Variants in DDX10 observed in about 807,000 individuals in gnomAD.
The protein encoded by DDX10 is probable ATP-dependent RNA helicase DDX10.
Under a neutral mutation model 104.3 loss-of-function variants are expected in DDX10, and 74 were observed. The observed-to-expected ratio is 0.71, with a 90% CI of 0.59 to 0.86. DDX10 has a LOEUF of 0.86. Among genes scored for constraint, DDX10 ranks in the 40% least tolerant of loss-of-function variants. The pLI is 0.00. For synonymous variants in DDX10, 351 were observed against 353.4 expected (o/e 0.99, Z 0.08); for missense variants, 952 against 1,040.0 (o/e 0.92, Z 1.16).
At chr11:108,718,795 A>C (rs1014544540) in intron 11 of DDX10, among the ~76,000 whole-genome samples, 6 of 152,252 alleles carry the variant, frequency 3.9e-5, no homozygotes, top group African/African-American at 1.4e-4. Context: ...AACAAAAGTG[A>C]TAAGCAACTG....
chr11:108,759,526 G>A (rs147922383), intron 13 of DDX10, among the ~76,000 whole-genome samples: 1 of 152,042 alleles, frequency 6.6e-6, no homozygotes, highest in Non-Finnish European at 1.5e-5. Flanking sequence ...TTGTAAGGTA[G>A]TCATCTATTT....
chr11:108,745,106 CTCCCCT>C (rs1157878967), intron 13 of DDX10, among the ~76,000 whole-genome samples: 2 of 115,808 alleles, frequency 1.7e-5, no homozygotes, highest in Admixed American at 8.7e-5. Flanking sequence ...TCCCCTCCCC[CTCCCCT>C]TCCCCTTCCT....
Position 108,752,533 on chromosome 11 carries a change from A to G in DDX10, c.1965+29071A>G, listed in dbSNP as rs530764153. On this transcript the variant is annotated intron_variant, in intron 13 of 17. Coordinates refer to ENST00000322536, the MANE Select transcript of DDX10 (RefSeq NM_004398.4). ...CAAGTGATGCATGCTTTGCATCACT[A>G]TTATGGATCCATCTTTGTGTACTTA... Among the ~76,000 whole-genome samples the G allele has an allele frequency of 3.9e-5, 6 of 152,180 alleles. No individual in the cohort carries two copies. The East Asian group carries it at 9.7e-4, about 25-fold the overall frequency.
intron 13 of DDX10, among the ~76,000 whole-genome samples, chr11:108,735,051 A>G (rs939408469): frequency 2.0e-5 from 3 of 152,156 alleles, no homozygotes; most frequent in African/African-American, 7.2e-5. Flanking sequence ...TCTTTTCAAC[A>G]CTTTTAAATT....
intron 16 of DDX10, among the ~76,000 whole-genome samples, chr11:108,853,563 G>T (rs1347148843): frequency 6.6e-6 from 1 of 151,418 alleles, no homozygotes; most frequent in Admixed American, 6.6e-5. Context: ...AATGGTTTAA[G>T]CTGTAAGAAG....
At chr11:108,845,530 G>GT (rs1862704276) in intron 15 of DDX10, among the ~76,000 whole-genome samples, 1 of 152,048 alleles carries the variant, frequency 6.6e-6, no homozygotes, top group South Asian at 2.1e-4. Context: ...AGAACTGTAT[G>GT]TCCCCAAAGA....
At chr11:108,743,676 G>C (rs535779886) in intron 13 of DDX10, among the ~76,000 whole-genome samples, 4 of 152,184 alleles carry the variant, frequency 2.6e-5, no homozygotes, top group African/African-American at 4.8e-5. Context: ...ATATGGTTTT[G>C]AGTAGGGTAA....
chr11:108,793,380 A>G (rs1420287655), intron 13 of DDX10, among the ~76,000 whole-genome samples: 2 of 152,184 alleles, frequency 1.3e-5, no homozygotes, highest in African/African-American at 4.8e-5. Flanking sequence ...CATTACCGAC[A>G]AGCTGGTACA....
chr11:108,902,465 A>G (rs973092151), intron 16 of DDX10, among the ~76,000 whole-genome samples: 2 of 152,334 alleles, frequency 1.3e-5, no homozygotes, highest in African/African-American at 4.8e-5. Flanking sequence ...TCCCAGCTCT[A>G]TAAACTATGT....
chr11:108,862,810 A>C (rs79291569), intron 16 of DDX10, among the ~76,000 whole-genome samples: 2,014 of 151,862 alleles, frequency 0.013, 49 homozygotes, highest in African/African-American at 0.046. Context: ...TCTTCATGCT[A>C]TCTGATAGGA....
intron 13 of DDX10, among the ~76,000 whole-genome samples, chr11:108,819,533 C>G (rs371521717): frequency 7.9e-5 from 12 of 152,198 alleles, no homozygotes; most frequent in South Asian, 6.2e-4. Flanking sequence ...TGTCCCAGTA[C>G]AACATGTTTT....
intron 16 of DDX10, among the ~76,000 whole-genome samples, chr11:108,888,475 A>AT (rs1863330672): frequency 6.6e-6 from 1 of 152,180 alleles, no homozygotes; most frequent in Non-Finnish European, 1.5e-5. Context: ...CTGGTTGTAA[A>AT]GGTCATATGC....
chr11:108,706,760 T>G lies in DDX10; in HGVS notation c.1245T>G (p.Ala415=). 6.2e-7 allele frequency: 1 copy of G among 1,614,040 alleles called. No individual in the cohort carries two copies. The highest frequency in any genetic ancestry group is 1.3e-5 in the African/African-American group (1 of 75,040). The change falls in exon 10 of 18, where the codon GCT becomes GCG. Residue 415 remains alanine (A), a synonymous_variant. Transcript: ENST00000322536. ...RTARYKEDGE[A]LLILLPSEKA... Reference sequence around the variant, plus strand: ...TTAGGTACAAAGAGGATGGTGAAGCTTTGCTAATTTTGCTACCCTCAGAAA... The same window carrying G: ...TTAGGTACAAAGAGGATGGTGAAGCGTTGCTAATTTTGCTACCCTCAGAAA...
chr11:108,792,353 G>A (rs1861882065), intron 13 of DDX10, among the ~76,000 whole-genome samples: 1 of 152,132 alleles, frequency 6.6e-6, no homozygotes, highest in Admixed American at 6.5e-5. Context: ...GGTCACAAAG[G>A]TTTTTGTCCT....
intron 13 of DDX10, among the ~76,000 whole-genome samples, chr11:108,751,530 A>C (rs1044285745): frequency 5.3e-5 from 8 of 151,908 alleles, no homozygotes; most frequent in Admixed American, 5.3e-4. Context: ...CATCTAATCC[A>C]ATGTATAATC....
intron 13 of DDX10, among the ~76,000 whole-genome samples, chr11:108,773,938 G>A (rs2094366582): frequency 6.6e-6 from 1 of 152,168 alleles, no homozygotes; most frequent in African/African-American, 2.4e-5. Context: ...GAGATAGGAA[G>A]TACTGGTTCC....
chr11:108,855,885 T>C (rs1175534268), intron 16 of DDX10, among the ~76,000 whole-genome samples: 1 of 152,210 alleles, frequency 6.6e-6, no homozygotes, highest in Non-Finnish European at 1.5e-5. Flanking sequence ...ATATTAAAAA[T>C]GATGATTATA....
At chr11:108,771,495 C>T (rs2094363051) in intron 13 of DDX10, among the ~76,000 whole-genome samples, 1 of 152,116 alleles carries the variant, frequency 6.6e-6, no homozygotes, top group Non-Finnish European at 1.5e-5. Flanking sequence ...CAGGCGCCTG[C>T]CACCACGTCC....
At chr11:108,824,340 T>C (rs1478630661) in intron 13 of DDX10, among the ~76,000 whole-genome samples, 1 of 152,248 alleles carries the variant, frequency 6.6e-6, no homozygotes, top group Non-Finnish European at 1.5e-5. Context: ...CTGGGACTTT[T>C]AACTTAGCTC....
Sources: gnomAD v4.1 joint callset for allele counts (sites outside exome capture counted in the v4.1 genomes callset) on GRCh38, gnomAD v4.1.1 for gene constraint, MANE v1.5 for transcripts, NCBI Gene and HGNC (gene_info 2026-07-23, HGNC 2026-07-21) for gene names.